PPP2R2C: variants seen among roughly 807,000 people sequenced by gnomAD.
PPP2R2C encodes the protein protein phosphatase 2, regulatory subunit B, gamma.
A neutral mutation model predicts 45.3 loss-of-function variants in PPP2R2C; 10 were observed. That is an observed-to-expected ratio of 0.22 (90% CI 0.14 to 0.37). The LOEUF (loss-of-function observed/expected upper bound fraction) is 0.37, where lower values mean the gene tolerates loss of function less well. PPP2R2C is among the 10% of genes least tolerant of loss of function. The probability of loss-of-function intolerance (pLI) is 1.00; values close to 1 mark genes in which losing one functional copy is unlikely to be tolerated. For missense variants in PPP2R2C, 308 were observed against 619.7 expected, an observed-to-expected ratio of 0.50 and a Z score of 5.34; for synonymous variants, 257 against 245.4, an observed-to-expected ratio of 1.05 and a Z score of -0.44.
intron 6 of PPP2R2C, among the ~76,000 whole-genome samples, chr4:6,343,054 G>A (rs114513368): frequency 0.015 from 2,359 of 152,310 alleles, 60 homozygotes; most frequent in African/African-American, 0.053. Context: ...GAAGTGGGAG[G>A]TGAAGAACTA....
intron 1 of PPP2R2C, chr4:6,414,107 T>TACA: frequency 7.6e-7 from 1 of 1,320,228 alleles, no homozygotes. Flanking sequence ...TGTGTGTGTG[T>TACA]GTGTGTGTGT....
At chr4:6,491,744 T>C (rs1295231905) in intron 2 of PPP2R2C, among the ~76,000 whole-genome samples, 6 of 152,188 alleles carry the variant, frequency 3.9e-5, no homozygotes, top group Admixed American at 3.9e-4. Flanking sequence ...TTTAGAGGCA[T>C]ACGGCACTTC....
chr4:6,383,857 A>T (rs1716037161), intron 1 of PPP2R2C: 1 of 994,116 alleles, frequency 1.0e-6, no homozygotes, highest in East Asian at 1.1e-4. Context: ...TTCTTTTTCC[A>T]GTCTGGGCCT....
chr4:6,460,029 T>C (rs1721245586), intron 1 of PPP2R2C, among the ~76,000 whole-genome samples: 1 of 152,082 alleles, frequency 6.6e-6, no homozygotes, highest in South Asian at 2.1e-4. Flanking sequence ...CTCACAACAC[T>C]GCTCATGATC....
At chr4:6,356,387 T>C (rs1484377306) in intron 5 of PPP2R2C, among the ~76,000 whole-genome samples, 4 of 152,160 alleles carry the variant, frequency 2.6e-5, no homozygotes, top group Admixed American at 1.3e-4. Context: ...GAGAAGCCAA[T>C]TGCTCAGGGA....
At chr4:6,518,284 A>G (rs1159998353) in intron 2 of PPP2R2C, among the ~76,000 whole-genome samples, 2 of 152,222 alleles carry the variant, frequency 1.3e-5, no homozygotes, top group African/African-American at 2.4e-5. Context: ...AGTAAACACA[A>G]GAAAATAATA....
In PPP2R2C at chr4:6,420,158, T is replaced by A. The variant is rs1453822455; in HGVS notation, c.71-39064A>T. ...ATGTCTCTCTCAGTCACACACACAC[T>A]CACACACATACAACTACTCCACATG... On this transcript the variant is annotated intron_variant, in intron 1 of 8. Coordinates refer to ENST00000382599, the MANE Select transcript of PPP2R2C (RefSeq NM_020416.4). Among the ~76,000 whole-genome samples the A allele has an allele frequency of 1.3e-5, 2 of 151,984 alleles. 1 individual carries two copies. The highest frequency in any genetic ancestry group is 2.9e-5 in the Non-Finnish European group (2 of 67,972).
rs1732177434 is a variant in PPP2R2C, at chr4:6,328,982, C to A, written c.1052+280G>T. Among the ~76,000 whole-genome samples, 1 of 152,178 alleles carries A rather than the reference C, an allele frequency of 6.6e-6. No individual in the cohort carries two copies. The highest frequency in any genetic ancestry group is 1.5e-5 in the Non-Finnish European group (1 of 68,012). On this transcript the variant is annotated intron_variant, in intron 8 of 8. Coordinates refer to ENST00000382599, the MANE Select transcript of PPP2R2C (RefSeq NM_020416.4). The surrounding 1 kb of genome is among the most constrained non-coding windows in gnomAD (Gnocchi z 4.4). ...GAGAGGGGAGCACATCACCGGGGACCCTGAATTAACTAAACATGTTCCCAC... is the reference window on the plus strand; with the variant it reads ...GAGAGGGGAGCACATCACCGGGGACACTGAATTAACTAAACATGTTCCCAC...
In PPP2R2C at chr4:6,375,759, C is replaced by T. The variant is rs1715246807; in HGVS notation, c.447+60G>A. 50 of 1,367,282 alleles carry T rather than the reference C, an allele frequency of 3.7e-5. No homozygotes were observed. In the South Asian group the frequency reaches 5.8e-4, roughly 16 times the overall value. 84.7% of individuals were successfully genotyped at this position (1,367,282 alleles called of 1,614,324 possible). On this transcript the variant is annotated intron_variant, in intron 4 of 8. Transcript: ENST00000382599. Reference sequence around the variant, plus strand: ...CTCAAATCTCAAAGGCTTTTCCAGCCCTAAAATCCTCAGGTGTAATAAAGA... The same window carrying T: ...CTCAAATCTCAAAGGCTTTTCCAGCTCTAAAATCCTCAGGTGTAATAAAGA...
intron 1 of PPP2R2C, among the ~76,000 whole-genome samples, chr4:6,554,910 G>T (rs1320897845): frequency 1.3e-5 from 1 of 77,734 alleles, no homozygotes; most frequent in South Asian, 5.1e-4. Flanking sequence ...AAGGAAGGAA[G>T]GAAGGAAGGA....
intron 1 of PPP2R2C, among the ~76,000 whole-genome samples, chr4:6,445,208 C>CAA (rs374961616): frequency 5.6e-5 from 8 of 141,766 alleles, no homozygotes; most frequent in Admixed American, 3.5e-4. Flanking sequence ...AAAATAAAAA[C>CAA]AAAAAAAAAA....
intron 1 of PPP2R2C, among the ~76,000 whole-genome samples, chr4:6,561,664 C>A (rs1400588639): frequency 6.6e-6 from 1 of 152,096 alleles, no homozygotes; most frequent in Non-Finnish European, 1.5e-5. Context: ...TAGAGCTACA[C>A]AGACACACTT....
intron 2 of PPP2R2C, among the ~76,000 whole-genome samples, chr4:6,515,957 G>A (rs1392011320): frequency 6.6e-6 from 1 of 152,202 alleles, no homozygotes; most frequent in East Asian, 1.9e-4. Flanking sequence ...CTCACAAGGA[G>A]TTCTCCTGTG....
rs113297682 is a variant in PPP2R2C at position 6,438,724 on chromosome 4, C to A, written c.70+33436G>T. 4.3e-3 allele frequency among the ~76,000 whole-genome samples: 662 copies of A among 152,302 alleles called. 7 individuals are homozygous for A. The highest frequency in any genetic ancestry group is 0.014 in the African/African-American group (594 of 41,568). ...CTGATGTCATTTGTTTGGGATTTTG[C>A]AGAATGAGAAGTTTCTCAGGATGTC... On this transcript the variant is annotated intron_variant, in intron 1 of 8. Coordinates refer to ENST00000382599, the MANE Select transcript of PPP2R2C (RefSeq NM_020416.4).
At chr4:6,363,088 C>T (rs1282724400) in intron 5 of PPP2R2C, among the ~76,000 whole-genome samples, 2 of 152,148 alleles carry the variant, frequency 1.3e-5, no homozygotes, top group African/African-American at 4.8e-5. Context: ...GACCTCGACG[C>T]AATGGCTCAC....
intron 2 of PPP2R2C, among the ~76,000 whole-genome samples, chr4:6,526,384 G>A (rs764899494): frequency 2.0e-5 from 3 of 152,170 alleles, no homozygotes; most frequent in South Asian, 2.1e-4. Flanking sequence ...GAAAGCTCTC[G>A]GCGCTCAGTG....
chr4:6,373,874 T>G (rs973040007), intron 4 of PPP2R2C, among the ~76,000 whole-genome samples: 5 of 151,262 alleles, frequency 3.3e-5, no homozygotes, highest in African/African-American at 1.2e-4. Context: ...TGTGCATGCA[T>G]GACTGAGTAT....
intron 1 of PPP2R2C, among the ~76,000 whole-genome samples, chr4:6,442,045 G>C (rs182083370): frequency 8.5e-5 from 13 of 152,324 alleles, no homozygotes; most frequent in African/African-American, 2.4e-4. Context: ...GTCCGTGGGT[G>C]GGGGAAGGCA....
At chr4:6,367,028 C>T (rs920673833) in intron 5 of PPP2R2C, among the ~76,000 whole-genome samples, 2 of 151,358 alleles carry the variant, frequency 1.3e-5, no homozygotes, top group African/African-American at 4.9e-5. Flanking sequence ...GAGGGCTGGG[C>T]ACCTCTTTCC....
Sources: gnomAD v4.1 joint callset for allele counts (sites outside exome capture counted in the v4.1 genomes callset) on GRCh38, gnomAD v4.1.1 for gene constraint, Gnocchi (gnomAD v3.1) non-coding constraint, MANE v1.5 for transcripts, NCBI Gene and HGNC (gene_info 2026-07-23, HGNC 2026-07-21) for gene names.